COL27A1: variants seen among roughly 807,000 people sequenced by gnomAD.
COL27A1 encodes the protein collagen alpha-1(XXVII) chain.
COL27A1 carries 106 observed loss-of-function variants against 251.3 expected under a neutral mutation model. The ratio of observed to expected loss-of-function variants is 0.42; its 90% CI spans 0.36 to 0.50. The LOEUF (loss-of-function observed/expected upper bound fraction) is 0.50. Among genes scored for constraint, COL27A1 ranks in the 20% least tolerant of loss-of-function variants. COL27A1 has a pLI of 0.00. For synonymous variants in COL27A1, 1,000 were observed against 986.3 expected (o/e 1.01, Z -0.26); for missense variants, 2,325 against 2,522.8 (o/e 0.92, Z 1.68).
At chr9:114,271,220 AAGCCCTTTACC>A (rs751413758) in intron 36 of COL27A1, 10 of 164,012 alleles carry the variant, frequency 6.1e-5, no homozygotes, top group Non-Finnish European at 1.0e-4. Context: ...GTACAACGCT[AAGCCCTTTACC>A]AGCTGGATCC....
At chr9:114,292,286 C>A in intron 49 of COL27A1, 76 bp downstream of exon 49, 1 of 1,103,528 alleles carries the variant, frequency 9.1e-7, no homozygotes, top group Non-Finnish European at 1.3e-6. Context: ...CATGTACAAA[C>A]ACATGCACAC....
intron 5 of COL27A1, among the ~76,000 whole-genome samples, chr9:114,193,664 T>C (rs1828903913): frequency 2.0e-5 from 3 of 152,138 alleles, no homozygotes; most frequent in African/African-American, 7.2e-5. Flanking sequence ...TGTAGAAATC[T>C]AGTGCGGTGA....
chr9:114,249,449 T>C (rs1020406789), intron 24 of COL27A1, among the ~76,000 whole-genome samples: 1 of 152,192 alleles, frequency 6.6e-6, no homozygotes, highest in Non-Finnish European at 1.5e-5. Flanking sequence ...ATCCGGGCCC[T>C]GTTCACAGCC....
chr9:114,310,682 C>T lies in COL27A1; in HGVS notation c.5570C>T (p.Ala1857Val), dbSNP rs761980694. 7 of 1,614,066 alleles carry T rather than the reference C, an allele frequency of 4.3e-6. No individual in the cohort carries two copies. Among genetic ancestry groups the T allele is most frequent in the Middle Eastern group, 1.6e-4 (1 of 6,070 alleles). The change falls in exon 61 of 61, where the codon GCG (alanine) becomes GTG (valine). Residue 1857 changes from alanine to valine, a missense_variant. Around this residue, in one of 4 missense-constraint regions of COL27A1, gnomAD observed 327 missense variants for 442.8 expected, o/e 0.74. Coordinates refer to ENST00000356083, the MANE Select transcript of COL27A1 (RefSeq NM_032888.4). ...CAGTACCGCCTGGAAGTTGGACCTGCGTGCTTCCTCTGACCTCTGACCTCG... is the reference window on the plus strand; with the variant it reads ...CAGTACCGCCTGGAAGTTGGACCTGTGTGCTTCCTCTGACCTCTGACCTCG... ...GKQYRLEVGP[A>V]CFL
intron 16 of COL27A1, among the ~76,000 whole-genome samples, chr9:114,235,084 A>AG (rs1480693637): frequency 4.6e-5 from 7 of 151,074 alleles, no homozygotes; most frequent in African/African-American, 1.7e-4. Context: ...CATCTCAAAA[A>AG]AAAAAAAAAA....
intron 10 of COL27A1, among the ~76,000 whole-genome samples, chr9:114,208,100 C>A (rs1182964274): frequency 6.6e-6 from 1 of 152,186 alleles, no homozygotes; most frequent in Non-Finnish European, 1.5e-5. Flanking sequence ...TGCTTCACCC[C>A]TCTGGGCCTA....
At chr9:114,243,086 T>C (rs968513459) in intron 22 of COL27A1, among the ~76,000 whole-genome samples, 2 of 152,220 alleles carry the variant, frequency 1.3e-5, no homozygotes, top group Admixed American at 6.5e-5. Context: ...GACATCTTAG[T>C]GTTATCATGA....
chr9:114,232,029 C>T (rs1261846361), intron 16 of COL27A1, among the ~76,000 whole-genome samples, 163 bp downstream of exon 16: 1 of 152,186 alleles, frequency 6.6e-6, no homozygotes, highest in Non-Finnish European at 1.5e-5. Context: ...TTCCTGGTCA[C>T]TCTGGGTGGG....
Position 114,301,087 on chromosome 9 carries a change from G to A in COL27A1, c.4717G>A (p.Val1573Ile), listed in dbSNP as rs139463298. The A allele has an allele frequency of 3.0e-5, 48 of 1,612,376 alleles. No homozygotes were observed. In the Admixed American group the frequency reaches 4.3e-4, roughly 15 times the overall value. The stretch of plus-strand genomic sequence containing the variant: ...TCTCCTTTAGGGAAAGGAAGGCATC[G>A]TCGGGCCCCTCGGAATCCTGGGACC... ...PPGLMGKEGIVGPLGILGPSG... is the reference protein window; with the variant it reads ...PPGLMGKEGIIGPLGILGPSG... Residue 1573 changes from valine (V) to isoleucine (I), a missense_variant, in exon 52 of 61, where the codon GTC becomes ATC. Coordinates refer to ENST00000356083, the MANE Select transcript of COL27A1 (RefSeq NM_032888.4).
chr9:114,163,075 A>T (rs1407215959), intron 2 of COL27A1, among the ~76,000 whole-genome samples: 1 of 152,020 alleles, frequency 6.6e-6, no homozygotes, highest in Non-Finnish European at 1.5e-5. Context: ...CTCTACTAAA[A>T]ATACAAAAAT....
intron 14 of COL27A1, among the ~76,000 whole-genome samples, chr9:114,226,544 C>G (rs1434697135): frequency 6.6e-6 from 1 of 152,224 alleles, no homozygotes; most frequent in African/African-American, 2.4e-5. Flanking sequence ...CTGTGCTGAA[C>G]AGAGATAGCG....
intron 37 of COL27A1, 116 bp from the exon 38 acceptor site, chr9:114,282,161 C>G (rs974241197): frequency 4.2e-5 from 36 of 852,994 alleles, no homozygotes; most frequent in Non-Finnish European, 6.6e-5. Context: ...GTGGCAGAAT[C>G]AGTTTCGAAC....
At chr9:114,201,971 G>A (rs1490851946) in intron 7 of COL27A1, among the ~76,000 whole-genome samples, 1 of 152,174 alleles carries the variant, frequency 6.6e-6, no homozygotes, top group African/African-American at 2.4e-5. Context: ...CCTCAGCAAA[G>A]TCTCTTTACC....
rs777628349 is a variant in COL27A1 at position 114,264,414 on chromosome 9, G to A, written c.3249+6G>A. ...AAGGGTCCAGGGGCCTGAAGGTACCGACCCCTAGGACCTGCCCTTCCTCAC... is the reference window on the plus strand; with the variant it reads ...AAGGGTCCAGGGGCCTGAAGGTACCAACCCCTAGGACCTGCCCTTCCTCAC... On this transcript the variant is annotated splice_donor_region_variant and intron_variant, in intron 29 of 60. Coordinates refer to ENST00000356083, the MANE Select transcript of COL27A1 (RefSeq NM_032888.4). 8 of 1,559,588 alleles carry A rather than the reference G, an allele frequency of 5.1e-6. No homozygotes were observed. Among genetic ancestry groups the A allele is most frequent in the African/African-American group, 1.4e-5 (1 of 73,472 alleles).
chr9:114,184,790 T>G (rs149918964), intron 5 of COL27A1, among the ~76,000 whole-genome samples: 29 of 152,276 alleles, frequency 1.9e-4, no homozygotes, highest in Non-Finnish European at 3.8e-4. Flanking sequence ...AGACATTGTC[T>G]AGGAAATGGC....
At chr9:114,267,270 G>A (rs1413416035) in intron 33 of COL27A1, among the ~76,000 whole-genome samples, 3 of 152,182 alleles carry the variant, frequency 2.0e-5, no homozygotes, top group Admixed American at 1.3e-4. Context: ...TGTGGGGCGG[G>A]AGAAGGCTCT....
chr9:114,247,707 A>G (rs576156119), intron 24 of COL27A1, among the ~76,000 whole-genome samples: 14 of 152,328 alleles, frequency 9.2e-5, no homozygotes, highest in African/African-American at 3.1e-4. Context: ...TGTGGCTGCT[A>G]TAAGGCACAT....
rs12001156 is a variant in COL27A1, at chr9:114,259,398, T to A, written c.3195+804T>A. 1.5e-3 allele frequency among the ~76,000 whole-genome samples: 230 copies of A among 152,332 alleles called. 2 individuals are homozygous for A. The highest frequency in any genetic ancestry group is 5.2e-3 in the African/African-American group (215 of 41,558). The stretch of plus-strand genomic sequence containing the variant: ...TGCCAGATACTGCCTGTCACACACA[T>A]TAACTCATTTAATCCTCAACACTAC... On this transcript the variant is annotated intron_variant, in intron 28 of 60. Coordinates refer to ENST00000356083, the MANE Select transcript of COL27A1 (RefSeq NM_032888.4).
In COL27A1 at chr9:114,300,046, C is replaced by T. The variant is rs768544915; in HGVS notation, c.4585-24C>T. The T allele has an allele frequency of 8.7e-6, 14 of 1,613,792 alleles. No homozygotes were observed. The East Asian group carries it at 2.2e-4, about 26-fold the overall frequency. ...ACGCTGACCATGAGCTCACTCGCTC[C>T]ATCACTTCCTGTTCTTCCTGCAGGG... On this transcript the variant is annotated intron_variant, in intron 49 of 60. Coordinates refer to ENST00000356083, the MANE Select transcript of COL27A1 (RefSeq NM_032888.4).
Sources: allele counts gnomAD v4.1 joint callset (sites outside exome capture counted in the v4.1 genomes callset), GRCh38; gene constraint gnomAD v4.1.1; regional missense constraint gnomAD v4.1.1; transcripts MANE v1.5; gene names NCBI Gene and HGNC (gene_info 2026-07-23, HGNC 2026-07-21).